TOPBP1: variants seen among roughly 807,000 people sequenced by gnomAD.
TOPBP1 encodes DNA topoisomerase 2-binding protein 1.
Under a neutral mutation model 167.7 loss-of-function variants are expected in TOPBP1, and 28 were observed. The observed-to-expected ratio is 0.17, with a 90% CI of 0.12 to 0.23. The LOEUF is 0.23. Ranked by LOEUF, TOPBP1 falls within the 10% of genes least tolerant of loss-of-function variation. The pLI, the probability that TOPBP1 is intolerant of heterozygous loss-of-function variation, is 1.00. For missense variants in TOPBP1, 1,554 were observed against 1,809.6 expected (o/e 0.86, Z 2.56); for synonymous variants, 598 against 611.4 (o/e 0.98, Z 0.32).
chr3:133,612,252 C>G, intron 24 of TOPBP1, 137 bp downstream of exon 24: 1 of 876,962 alleles, frequency 1.1e-6, no homozygotes, highest in South Asian at 1.7e-5. Flanking sequence ...GTTGGCCAGG[C>G]ATGTCTCGAA....
At chr3:133,652,378 G>A (rs1576313469) in intron 8 of TOPBP1, 85 bp downstream of exon 8, 2 of 1,453,262 alleles carry the variant, frequency 1.4e-6, no homozygotes, top group East Asian at 2.4e-5. Context: ...TAAGGAGCAA[G>A]CCCAACTCTG....
chr3:133,657,881 C>G lies in TOPBP1; in HGVS notation c.280G>C (p.Val94Leu), dbSNP rs1489352697. The G allele has an allele frequency of 6.3e-7, 1 of 1,599,972 alleles. No homozygotes were observed. Among genetic ancestry groups the G allele is most frequent in the Non-Finnish European group, 8.5e-7 (1 of 1,174,656 alleles). ...TAAACTGGATGTTCGGCTCTTGGGA[C>G]ACATCGCTGGTGGTGCATACAAAAT... ...VIFCMHHQRC[V>L]PRAEHPVYNM... The change falls in exon 4 of 28, where the codon GTC becomes CTC. Residue 94 changes from valine (V) to leucine (L), a missense_variant. Physicochemically the swap from Val to Leu is conservative, Grantham distance 32 (BLOSUM62 1). Transcript: ENST00000260810.
intron 12 of TOPBP1, among the ~76,000 whole-genome samples, chr3:133,640,849 C>T (rs1489409096): frequency 6.6e-6 from 1 of 152,106 alleles, no homozygotes; most frequent in African/African-American, 2.4e-5. Context: ...CAAAGCATTT[C>T]TACATATTAT....
chr3:133,625,731 CA>C lies in TOPBP1; in HGVS notation c.2805-1557del, dbSNP rs369824399. Among the ~76,000 whole-genome samples, 404 of 134,682 alleles carry C rather than the reference CA, an allele frequency of 3.0e-3. 1 individual carries two copies. Among genetic ancestry groups the C allele is most frequent in the African/African-American group, 4.4e-3 (162 of 36,564 alleles). The allele number at this position is 134,682 out of a possible 152,430, so 88.4% of individuals were successfully genotyped here. On this transcript the variant is annotated intron_variant, in intron 16 of 27. Coordinates refer to ENST00000260810, the MANE Select transcript of TOPBP1 (RefSeq NM_007027.4). ...GGGCAACAAGAGCAAAACTCCCTCT[CA>C]AAAAAAAAAAAGAATTAAGAAAAAG... is the stretch of plus-strand genomic sequence containing the variant.
chr3:133,608,759 T>C, intron 26 of TOPBP1, 63 bp from the exon 27 acceptor site: 2 of 1,590,566 alleles, frequency 1.3e-6, no homozygotes, highest in South Asian at 1.1e-5. Flanking sequence ...AGCTGTATAA[T>C]GTGTACTTAA....
chr3:133,658,822 A>AAAAC (rs200458233), intron 3 of TOPBP1, among the ~76,000 whole-genome samples, 194 bp downstream of exon 3: 2 of 152,134 alleles, frequency 1.3e-5, no homozygotes, highest in African/African-American at 2.4e-5. Flanking sequence ...AACAAAAACA[A>AAAAC]AAACAAACAA....
Position 133,660,572 on chromosome 3 carries a change from T to C in TOPBP1, c.84+472A>G, listed in dbSNP as rs145955854. On this transcript the variant is annotated intron_variant, in intron 2 of 27. Transcript: ENST00000260810. ...AAGTCTGGGTTGGAGGCCAAGATTC[T>C]GCATTTCGAAGAAACTTCCAGGCCA... is the stretch of plus-strand genomic sequence containing the variant. Among the ~76,000 whole-genome samples, 159 of 152,380 alleles carry C rather than the reference T, an allele frequency of 1.0e-3. 5 individuals are homozygous for C. Among genetic ancestry groups the C allele is most frequent in the East Asian group, 3.1e-3 (16 of 5,196 alleles).
intron 12 of TOPBP1, among the ~76,000 whole-genome samples, chr3:133,640,834 C>T (rs1207712820): frequency 6.6e-6 from 1 of 152,174 alleles, no homozygotes; most frequent in African/African-American, 2.4e-5. Context: ...CCTACTACAA[C>T]TTTCCAAAGC....
chr3:133,636,078 AG>A (rs1935660330), intron 14 of TOPBP1, among the ~76,000 whole-genome samples: 1 of 67,914 alleles, frequency 1.5e-5, no homozygotes, highest in Non-Finnish European at 3.5e-5. Context: ...ACAAAACTAT[AG>A]TTATTAGAAG....
At chr3:133,617,136 T>A in intron 22 of TOPBP1, 24 bp downstream of exon 22, 5 of 1,580,908 alleles carry the variant, frequency 3.2e-6, no homozygotes, top group Non-Finnish European at 4.3e-6. Context: ...AAAAGCTGTA[T>A]CACCATATTA....
chr3:133,630,345 C>T (rs1441942651), intron 14 of TOPBP1, among the ~76,000 whole-genome samples: 1 of 150,540 alleles, frequency 6.6e-6, no homozygotes, highest in Non-Finnish European at 1.5e-5. Context: ...GTCACCCAAG[C>T]TGGAGTACAG....
chr3:133,604,875 C>A (rs7642793), intron 27 of TOPBP1, among the ~76,000 whole-genome samples: 5,375 of 151,590 alleles, frequency 0.035, 341 homozygotes, highest in African/African-American at 0.12. Flanking sequence ...GCTGATATTG[C>A]CCCACTGCAC....
chr3:133,617,414 G>A (rs1342649995), intron 21 of TOPBP1, 88 bp from the exon 22 acceptor site: 1 of 1,368,036 alleles, frequency 7.3e-7, no homozygotes, highest in Non-Finnish European at 9.5e-7. Flanking sequence ...TCTTAGTCAA[G>A]ATGAAGTCAA....
chr3:133,646,429 T>A (rs546200722), intron 10 of TOPBP1, among the ~76,000 whole-genome samples: 7 of 151,938 alleles, frequency 4.6e-5, no homozygotes, highest in South Asian at 4.2e-4. Flanking sequence ...GACAGGAGGA[T>A]CACATGAGGC....
rs145267952 is a variant in TOPBP1, at chr3:133,604,583, C to T, written c.4426-3190G>A. The stretch of plus-strand genomic sequence containing the variant: ...AAAATGAAACAGAAAATAGGAAAAG[C>T]GCTGTATCTAGTAAAGAAAATTCGT... On this transcript the variant is annotated intron_variant, in intron 27 of 27. Transcript: ENST00000260810. Among the ~76,000 whole-genome samples, 364 of 151,746 alleles carry T rather than the reference C, an allele frequency of 2.4e-3. 1 individual carries two copies. Among genetic ancestry groups the T allele is most frequent in the African/African-American group, 8.2e-3 (339 of 41,402 alleles).
chr3:133,640,340 C>T (rs910318180), intron 12 of TOPBP1, among the ~76,000 whole-genome samples, 170 bp from the exon 13 acceptor site: 1 of 152,142 alleles, frequency 6.6e-6, no homozygotes, highest in Non-Finnish European at 1.5e-5. Flanking sequence ...CTTACAAATG[C>T]TTACTCTAGG....
intron 16 of TOPBP1, among the ~76,000 whole-genome samples, chr3:133,626,950 TCTGAAGA>T (rs1250976329): frequency 1.3e-5 from 2 of 152,166 alleles, no homozygotes; most frequent in African/African-American, 4.8e-5. Flanking sequence ...TGTTTAACTG[TCTGAAGA>T]CAGAAGACAG....
At chr3:133,614,890 T>C (rs575889633) in intron 23 of TOPBP1, among the ~76,000 whole-genome samples, 2 of 151,758 alleles carry the variant, frequency 1.3e-5, no homozygotes, top group South Asian at 4.2e-4. Context: ...GACAAGTTAA[T>C]GGGAGCAGCA....
At position 133,620,359 on chromosome 3, in the gene TOPBP1, C is replaced by T; in HGVS notation, c.3179-12G>A. The T allele has an allele frequency of 1.9e-6, 3 of 1,608,022 alleles. No homozygotes were observed. Among genetic ancestry groups the T allele is most frequent in the Non-Finnish European group, 2.5e-6 (3 of 1,177,324 alleles). Reference sequence around the variant, plus strand: ...GGTCTGTGTCAGAACTTGAAACAAACACAAATACACCATTCAAGGTAAGTT... The same window carrying T: ...GGTCTGTGTCAGAACTTGAAACAAATACAAATACACCATTCAAGGTAAGTT... On this transcript the variant is annotated splice_polypyrimidine_tract_variant and intron_variant, in intron 19 of 27. Coordinates refer to ENST00000260810, the MANE Select transcript of TOPBP1 (RefSeq NM_007027.4).
Sources: gnomAD v4.1 joint callset for allele counts (sites outside exome capture counted in the v4.1 genomes callset) on GRCh38, gnomAD v4.1.1 for gene constraint, MANE v1.5 for transcripts, NCBI Gene and HGNC (gene_info 2026-07-23, HGNC 2026-07-21) for gene names.